The following AFG1L variants were observed in gnomAD, a reference collection of about 807,000 sequenced individuals.
AFG1L encodes AFG1-like ATPase.
In AFG1L, 53 loss-of-function variants were observed where a neutral mutation model predicts 62.2. That is an observed-to-expected ratio of 0.85 (90% CI 0.68 to 1.07). The LOEUF is 1.07. Among genes scored for constraint, AFG1L ranks in the 50% least tolerant of loss-of-function variants. AFG1L has a pLI of 0.00. For synonymous variants in AFG1L, 228 were observed against 210.3 expected (o/e 1.08, Z -0.73); for missense variants, 555 against 590.5 (o/e 0.94, Z 0.62).
intron 8 of AFG1L, among the ~76,000 whole-genome samples, chr6:108,467,345 T>C (rs1262591067): frequency 6.6e-6 from 1 of 151,584 alleles, no homozygotes; most frequent in East Asian, 1.9e-4. Context: ...GCTTTCCGGG[T>C]TCAAATGATT....
chr6:108,438,528 A>G (rs750136112), intron 7 of AFG1L, among the ~76,000 whole-genome samples: 3 of 152,164 alleles, frequency 2.0e-5, no homozygotes, highest in Non-Finnish European at 2.9e-5. Flanking sequence ...GGGAGATGCA[A>G]TTAAGCCCAT....
At chr6:108,337,389 A>G (rs112057991) in intron 2 of AFG1L, among the ~76,000 whole-genome samples, 237 of 152,218 alleles carry the variant, frequency 1.6e-3, no homozygotes, top group Non-Finnish European at 2.0e-3. Flanking sequence ...CTACACATGC[A>G]GTATATATTA....
At chr6:108,465,646 T>C (rs998380087) in intron 8 of AFG1L, among the ~76,000 whole-genome samples, 4 of 123,198 alleles carry the variant, frequency 3.2e-5, no homozygotes, top group Non-Finnish European at 6.5e-5. Context: ...GGCCCTAGAG[T>C]CATAGAGTCA....
At chr6:108,357,218 A>G (rs1226915490) in intron 5 of AFG1L, among the ~76,000 whole-genome samples, 1 of 152,118 alleles carries the variant, frequency 6.6e-6, no homozygotes. Flanking sequence ...AGCTGGAACT[A>G]TAGGCTCATG....
At chr6:108,395,398 C>CTTT (rs1562130534) in intron 6 of AFG1L, among the ~76,000 whole-genome samples, 2 of 121,912 alleles carry the variant, frequency 1.6e-5, no homozygotes, top group South Asian at 2.7e-4. Context: ...TTTTTCTTTT[C>CTTT]TTTTCTTTTT....
At chr6:108,398,027 CA>C (rs1781395275) in intron 6 of AFG1L, among the ~76,000 whole-genome samples, 1 of 152,262 alleles carries the variant, frequency 6.6e-6, no homozygotes, top group African/African-American at 2.4e-5. Context: ...GAGGAACCTG[CA>C]AACTCATCTC....
chr6:108,522,663 C>T lies in AFG1L; in HGVS notation c.*238C>T, dbSNP rs560666784. 1.3e-4 allele frequency: 41 copies of T among 304,098 alleles called. No individual in the cohort carries two copies. The South Asian group carries it at 2.4e-3, about 18-fold the overall frequency. 18.8% of individuals were successfully genotyped at this position (304,098 alleles called of 1,614,324 possible). A position where few individuals can be genotyped will look rare whatever the true frequency, so the allele number is the denominator to read the frequency against. Reference sequence around the variant, plus strand: ...CTGCACCATGAAATTAAAATCATCTCATTCCTGAAGATGAATGTAGGACCA... The same window carrying T: ...CTGCACCATGAAATTAAAATCATCTTATTCCTGAAGATGAATGTAGGACCA... On this transcript the variant is annotated 3_prime_UTR_variant, in exon 13 of 13. Coordinates refer to ENST00000368977, the MANE Select transcript of AFG1L (RefSeq NM_145315.5).
chr6:108,451,221 A>T (rs947113807), intron 8 of AFG1L, among the ~76,000 whole-genome samples: 3 of 152,234 alleles, frequency 2.0e-5, no homozygotes, highest in Non-Finnish European at 2.9e-5. Context: ...TCATACAAGT[A>T]AAATCCCACA....
In AFG1L at chr6:108,369,947, G is replaced by GCTAT. The variant is rs1312272545; in HGVS notation, c.748+3654_748+3657dup. Among the ~76,000 whole-genome samples, 117 of 130,242 alleles carry GCTAT rather than the reference G, an allele frequency of 9.0e-4. 2 individuals carry two copies. In the East Asian group the frequency reaches 9.2e-3, roughly 10 times the overall value. 85.4% of individuals were successfully genotyped at this position (130,242 alleles called of 152,430 possible). ...GGCTGGCTGGCTGGCTGGCTGGCTG[G>GCTAT]CTATCTATCTATCTATCTATCTATC... On this transcript the variant is annotated intron_variant, in intron 6 of 12. Transcript: ENST00000368977.
intron 10 of AFG1L, among the ~76,000 whole-genome samples, chr6:108,495,027 G>A (rs537884312): frequency 2.0e-5 from 3 of 151,876 alleles, no homozygotes; most frequent in African/African-American, 4.8e-5. Flanking sequence ...CACCCATCTC[G>A]GCCTCCCAAA....
intron 10 of AFG1L, among the ~76,000 whole-genome samples, chr6:108,478,462 G>C (rs985831068): frequency 2.0e-5 from 3 of 152,202 alleles, no homozygotes; most frequent in African/African-American, 7.2e-5. Context: ...TAGCACTTCA[G>C]AACCAGCATA....
At chr6:108,453,791 G>C (rs1772149523) in intron 8 of AFG1L, among the ~76,000 whole-genome samples, 1 of 152,130 alleles carries the variant, frequency 6.6e-6, no homozygotes, top group Non-Finnish European at 1.5e-5. Flanking sequence ...GGACAGCTTG[G>C]TACCTTCTCT....
At chr6:108,499,785 T>A (rs1774116751) in intron 10 of AFG1L, among the ~76,000 whole-genome samples, 1 of 151,676 alleles carries the variant, frequency 6.6e-6, no homozygotes, top group Admixed American at 6.6e-5. Context: ...CTGAAGAAAA[T>A]TTGAAGAGGA....
At chr6:108,516,767 CA>C (rs1383696680) in intron 11 of AFG1L, among the ~76,000 whole-genome samples, 1 of 152,112 alleles carries the variant, frequency 6.6e-6, no homozygotes, top group African/African-American at 2.4e-5. Context: ...CGTCTCAGCC[CA>C]AAATCTCCTT....
chr6:108,462,520 A>G (rs1370922449), intron 8 of AFG1L, among the ~76,000 whole-genome samples: 1 of 152,260 alleles, frequency 6.6e-6, no homozygotes, highest in Non-Finnish European at 1.5e-5. Flanking sequence ...CTACTGAACT[A>G]GAAATTAATT....
intron 2 of AFG1L, among the ~76,000 whole-genome samples, chr6:108,326,958 A>C (rs1778069116): frequency 6.6e-6 from 1 of 152,032 alleles, no homozygotes; most frequent in South Asian, 2.1e-4. Context: ...AAAAAAAAAA[A>C]GAATAAGGGC....
intron 7 of AFG1L, among the ~76,000 whole-genome samples, chr6:108,406,502 A>C (rs1372731913): frequency 6.6e-6 from 1 of 152,092 alleles, no homozygotes; most frequent in Non-Finnish European, 1.5e-5. Context: ...CGGTGGCATG[A>C]TCTTGGCTCA....
intron 12 of AFG1L, 186 bp from the exon 13 acceptor site, chr6:108,522,111 C>G (rs1775146572): frequency 2.3e-6 from 1 of 440,972 alleles, no homozygotes; most frequent in South Asian, 3.2e-5. Flanking sequence ...GATGTGTTTA[C>G]TGCCTATCAG....
intron 7 of AFG1L, among the ~76,000 whole-genome samples, chr6:108,442,968 C>T (rs941011046): frequency 2.4e-4 from 36 of 152,164 alleles, no homozygotes; most frequent in African/African-American, 6.0e-4. Flanking sequence ...TCAGCCCTTG[C>T]GTAACAGTAC....
Sources: allele counts gnomAD v4.1 joint callset (sites outside exome capture counted in the v4.1 genomes callset), GRCh38; gene constraint gnomAD v4.1.1; transcripts MANE v1.5; gene names NCBI Gene and HGNC (gene_info 2026-07-23, HGNC 2026-07-21).